The following MYCBP2 variants were observed in gnomAD, a reference collection of about 807,000 sequenced individuals.
The protein encoded by MYCBP2 is MYC binding protein 2.
MYCBP2 carries 120 observed loss-of-function variants against 525.3 expected under a neutral mutation model. That is an observed-to-expected ratio of 0.23 (90% confidence interval 0.20 to 0.27). The LOEUF (loss-of-function observed/expected upper bound fraction) is 0.27, where lower values mean the gene tolerates loss of function less well. Ranked by LOEUF, MYCBP2 falls within the 10% of genes least tolerant of loss-of-function variation. The pLI is 1.00. For synonymous variants in MYCBP2, 1,894 were observed against 1,955.8 expected (o/e 0.97, Z 0.83); for missense variants, 4,149 against 5,657.1 (o/e 0.73, Z 8.55).
chr13:77,050,673 A>G, intron 82 of MYCBP2, among the ~76,000 whole-genome samples: 1 of 152,046 alleles, frequency 6.6e-6, no homozygotes. Flanking sequence ...AAAATCACAG[A>G]ATCCTTTTAA....
intron 58 of MYCBP2, among the ~76,000 whole-genome samples, chr13:77,093,821 A>C (rs566817880): frequency 6.6e-6 from 1 of 152,168 alleles, no homozygotes; most frequent in African/African-American, 2.4e-5. Context: ...AACATACATA[A>C]GATCATATTT....
At chr13:77,253,057 T>A (rs906874226) in intron 14 of MYCBP2, among the ~76,000 whole-genome samples, 1 of 151,962 alleles carries the variant, frequency 6.6e-6, no homozygotes, top group Non-Finnish European at 1.5e-5. Context: ...GGTTGAAAAT[T>A]TTGACATCAA....
chr13:77,234,613 A>C (rs573925910), intron 17 of MYCBP2, among the ~76,000 whole-genome samples: 106 of 152,138 alleles, frequency 7.0e-4, no homozygotes, highest in African/African-American at 2.5e-3. Flanking sequence ...ACAGAAGAAT[A>C]AGTTCTCAAT....
intron 1 of MYCBP2, among the ~76,000 whole-genome samples, 188 bp from the exon 2 acceptor site, chr13:77,296,862 C>T (rs1034767800): frequency 6.6e-6 from 1 of 152,056 alleles, no homozygotes; most frequent in Admixed American, 6.5e-5. Context: ...GAGAAGATAA[C>T]ATGGGGCAGC....
chr13:77,294,130 A>ATATATATATATG, intron 2 of MYCBP2, among the ~76,000 whole-genome samples: 1 of 42,462 alleles, frequency 2.4e-5, no homozygotes, highest in African/African-American at 6.7e-5. Flanking sequence ...ATATATATAT[A>ATATATATATATG]CATATATATA....
At chr13:77,052,042 T>C in intron 80 of MYCBP2, 124 bp from the exon 81 acceptor site, 1 of 690,020 alleles carries the variant, frequency 1.4e-6, no homozygotes, top group Admixed American at 2.5e-5. Context: ...TACTAGACCA[T>C]CCCTTGAAAT....
intron 51 of MYCBP2, among the ~76,000 whole-genome samples, chr13:77,139,793 T>C (rs1293216417): frequency 6.6e-6 from 1 of 152,222 alleles, no homozygotes. Flanking sequence ...TTTCAGTGAA[T>C]ACATGTACAG....
chr13:77,144,292 A>G, intron 49 of MYCBP2, 153 bp downstream of exon 49: 1 of 615,706 alleles, frequency 1.6e-6, no homozygotes, highest in Non-Finnish European at 2.9e-6. Context: ...CACTAATTAA[A>G]TACTCATTAT....
intron 5 of MYCBP2, among the ~76,000 whole-genome samples, chr13:77,272,889 A>G (rs991345131): frequency 2.6e-5 from 4 of 152,186 alleles, no homozygotes; most frequent in Non-Finnish European, 5.9e-5. Context: ...TTCTTTCTCA[A>G]TTTCCAGAGC....
At chr13:77,203,157 G>T (rs1472007125) in intron 26 of MYCBP2, among the ~76,000 whole-genome samples, 1 of 152,152 alleles carries the variant, frequency 6.6e-6, no homozygotes, top group Non-Finnish European at 1.5e-5. Flanking sequence ...CATCATCTCA[G>T]CCCAAAACCT....
At chr13:77,115,242 A>C (rs1275484105) in intron 55 of MYCBP2, among the ~76,000 whole-genome samples, 1 of 151,932 alleles carries the variant, frequency 6.6e-6, no homozygotes, top group Non-Finnish European at 1.5e-5. Flanking sequence ...AGAAATGGTG[A>C]TAATGAAAAT....
At chr13:77,196,651 A>G (rs1276275622) in intron 26 of MYCBP2, among the ~76,000 whole-genome samples, 2 of 152,204 alleles carry the variant, frequency 1.3e-5, no homozygotes, top group African/African-American at 4.8e-5. Flanking sequence ...TGGCCTGAGG[A>G]AACAGAAGAA....
intron 46 of MYCBP2, among the ~76,000 whole-genome samples, chr13:77,154,718 A>G (rs2056998429): frequency 1.3e-5 from 2 of 152,112 alleles, no homozygotes; most frequent in Non-Finnish European, 2.9e-5. Flanking sequence ...ACAATATACA[A>G]GCCCTTCAAC....
intron 5 of MYCBP2, 39 bp downstream of exon 5, chr13:77,273,433 C>A: frequency 1.3e-6 from 2 of 1,496,536 alleles, no homozygotes; most frequent in South Asian, 2.8e-5. Context: ...TGTAACTTGT[C>A]ATCTTATAAA....
intron 39 of MYCBP2, among the ~76,000 whole-genome samples, chr13:77,169,252 C>G (rs112528747): frequency 0.021 from 3,242 of 152,110 alleles, 113 homozygotes; most frequent in African/African-American, 0.074. Context: ...AAAAATTAGC[C>G]GGGCGCAGTG....
intron 3 of MYCBP2, among the ~76,000 whole-genome samples, chr13:77,279,887 T>C (rs1175419994): frequency 6.6e-6 from 1 of 152,178 alleles, no homozygotes; most frequent in Non-Finnish European, 1.5e-5. Context: ...AGTATAACTA[T>C]TTTTGTTTTC....
chr13:77,263,818 A>G (rs748175724), intron 9 of MYCBP2, 29 bp from the exon 10 acceptor site: 22 of 1,612,238 alleles, frequency 1.4e-5, no homozygotes, highest in Non-Finnish European at 1.6e-5. Context: ...CCACAGCATT[A>G]CATTACATAA....
chr13:77,323,386 T>G (rs1191679424), intron 1 of MYCBP2, among the ~76,000 whole-genome samples: 1 of 152,202 alleles, frequency 6.6e-6, no homozygotes, highest in Admixed American at 6.5e-5. Flanking sequence ...ACTCATCATG[T>G]TTTTGTTTCT....
At position 77,281,987 on chromosome 13, in the gene MYCBP2, T is replaced by C. The variant is rs151221521; in HGVS notation, c.595-3076A>G. On this transcript the variant is annotated intron_variant, in intron 3 of 82. Transcript: ENST00000544440. ...GTATACTGTCTTTTAAAATTGTTTG[T>C]ATAAAGCAAATATTTGGTACAGAGA... Among the ~76,000 whole-genome samples the C allele has an allele frequency of 1.0e-3, 155 of 152,296 alleles. 1 individual carries two copies. Among genetic ancestry groups the C allele is most frequent in the Middle Eastern group, 3.4e-3 (1 of 294 alleles).
Sources: gnomAD v4.1 joint callset for allele counts (sites outside exome capture counted in the v4.1 genomes callset) on GRCh38, gnomAD v4.1.1 for gene constraint, MANE v1.5 for transcripts, NCBI Gene and HGNC (gene_info 2026-07-23, HGNC 2026-07-21) for gene names.